Variants in MOB3B observed in about 807,000 individuals in gnomAD.
MOB3B encodes MOB kinase activator-like 2B.
Under a neutral mutation model 18.7 loss-of-function variants are expected in MOB3B, and 7 were observed. The observed-to-expected ratio is 0.37, with a 90% CI of 0.21 to 0.70. The LOEUF is 0.70. MOB3B is among the 30% of genes least tolerant of loss of function. MOB3B has a pLI of 0.52. For synonymous variants in MOB3B, 111 were observed against 99.9 expected (o/e 1.11, Z -0.66); for missense variants, 253 against 281.3 (o/e 0.90, Z 0.72).
Position 27,409,183 on chromosome 9 carries a change from G to A in MOB3B, c.418+45950C>T, listed in dbSNP as rs540069854. Reference sequence around the variant, plus strand: ...ACAGATATTATTCATGTCTTACTACGTGCCAGTTATTGTTCTATGGATCAG... The same window carrying A: ...ACAGATATTATTCATGTCTTACTACATGCCAGTTATTGTTCTATGGATCAG... On this transcript the variant is annotated intron_variant, in intron 2 of 3. Transcript: ENST00000262244. 8.1e-4 allele frequency among the ~76,000 whole-genome samples: 123 copies of A among 152,282 alleles called. 1 individual carries two copies. The Middle Eastern group carries it at 0.017, about 21-fold the overall frequency.
In MOB3B at chr9:27,336,910, GA is replaced by G. The variant is rs1236939168; in HGVS notation, c.622-6295del. 2.6e-5 allele frequency among the ~76,000 whole-genome samples: 4 copies of G among 152,298 alleles called. No individual in the cohort carries two copies. The East Asian group carries it at 7.8e-4, about 30-fold the overall frequency. Reference sequence around the variant, plus strand: ...AGGTAAAATCAAATGTGATATTGCTGAAAAGACACGAGGAAAGCTGCGAGTC... The same window carrying G: ...AGGTAAAATCAAATGTGATATTGCTGAAAGACACGAGGAAAGCTGCGAGTC... On this transcript the variant is annotated intron_variant, in intron 3 of 3. Coordinates refer to ENST00000262244, the MANE Select transcript of MOB3B (RefSeq NM_024761.5).
intron 3 of MOB3B, among the ~76,000 whole-genome samples, chr9:27,342,800 T>C (rs1037925975): frequency 2.0e-5 from 3 of 151,686 alleles, no homozygotes; most frequent in African/African-American, 7.3e-5. Context: ...TGCAGTGGCC[T>C]GATCTCCGCT....
chr9:27,529,513 G>C, intron 1 of MOB3B, 42 bp downstream of exon 1: 1 of 978,852 alleles, frequency 1.0e-6, no homozygotes. Context: ...GCAGCCACCG[G>C]GCTGCGCCGC....
chr9:27,493,816 A>ATGTGTGT (rs1280668402), intron 1 of MOB3B, among the ~76,000 whole-genome samples: 1 of 152,196 alleles, frequency 6.6e-6, no homozygotes, highest in Non-Finnish European at 1.5e-5. Context: ...GTGTTTGAGC[A>ATGTGTGT]ATACGAAATC....
At chr9:27,490,408 G>A (rs936407839) in intron 1 of MOB3B, among the ~76,000 whole-genome samples, 2 of 152,194 alleles carry the variant, frequency 1.3e-5, no homozygotes, top group African/African-American at 4.8e-5. Flanking sequence ...GTGGAATTAT[G>A]AGATTCCTTG....
intron 2 of MOB3B, among the ~76,000 whole-genome samples, chr9:27,362,126 C>T (rs1445424853): frequency 6.6e-6 from 1 of 152,194 alleles, no homozygotes; most frequent in African/African-American, 2.4e-5. Flanking sequence ...CTCAGCTGTG[C>T]CTTCCATTCC....
At chr9:27,390,355 A>G (rs1821710284) in intron 2 of MOB3B, among the ~76,000 whole-genome samples, 1 of 152,310 alleles carries the variant, frequency 6.6e-6, no homozygotes, top group South Asian at 2.1e-4. Context: ...GGCACCCGCC[A>G]CAACTGTGGC....
At chr9:27,346,916 A>C (rs530885259) in intron 3 of MOB3B, among the ~76,000 whole-genome samples, 12 of 152,292 alleles carry the variant, frequency 7.9e-5, no homozygotes, top group Non-Finnish European at 1.8e-4. Context: ...GAATTGCTTG[A>C]ACCCAGGAGG....
At chr9:27,512,730 C>T (rs903119102) in intron 1 of MOB3B, among the ~76,000 whole-genome samples, 1 of 152,142 alleles carries the variant, frequency 6.6e-6, no homozygotes, top group Non-Finnish European at 1.5e-5. Flanking sequence ...ATTGTCAGCT[C>T]TAGGCTCTCA....
intron 2 of MOB3B, among the ~76,000 whole-genome samples, chr9:27,372,835 A>G (rs1177833483): frequency 6.6e-6 from 1 of 152,234 alleles, no homozygotes; most frequent in Non-Finnish European, 1.5e-5. Flanking sequence ...GGCATTAGGG[A>G]AAAACTGAAT....
chr9:27,399,713 C>G (rs1821849740), intron 2 of MOB3B, among the ~76,000 whole-genome samples: 1 of 152,174 alleles, frequency 6.6e-6, no homozygotes, highest in Admixed American at 6.5e-5. Context: ...TCAATCTTAA[C>G]CTCTTTTCCA....
intron 1 of MOB3B, among the ~76,000 whole-genome samples, chr9:27,523,183 C>T (rs1237767726): frequency 4.0e-5 from 6 of 151,830 alleles, no homozygotes; most frequent in Middle Eastern, 3.4e-3. Flanking sequence ...TTTTATTTTC[C>T]TGGAGAAAAG....
chr9:27,457,642 C>A (rs1779025066), intron 1 of MOB3B, among the ~76,000 whole-genome samples: 2 of 152,180 alleles, frequency 1.3e-5, no homozygotes, highest in Non-Finnish European at 2.9e-5. Context: ...CTCTTAACCC[C>A]ACCCTCTTCC....
In MOB3B at chr9:27,328,681, C is replaced by G. The variant is rs1820744520; in HGVS notation, c.*1906G>C. 1 of 152,196 alleles carries G rather than the reference C, an allele frequency of 6.6e-6. No homozygotes were observed. Among genetic ancestry groups the G allele is most frequent in the Non-Finnish European group, 1.5e-5 (1 of 68,034 alleles). The allele number at this position is 152,196 out of a possible 1,614,324, so 9.4% of individuals were successfully genotyped here. On this transcript the variant is annotated 3_prime_UTR_variant, in exon 4 of 4. Transcript: ENST00000262244. The stretch of plus-strand genomic sequence containing the variant: ...TTCCATGATGCACAGCTACAGAGTT[C>G]CTCCAGGGCATGGGCTCCGTAGTTA...
intron 2 of MOB3B, among the ~76,000 whole-genome samples, chr9:27,388,698 C>A (rs1363735861): frequency 6.6e-6 from 1 of 152,082 alleles, no homozygotes; most frequent in Non-Finnish European, 1.5e-5. Flanking sequence ...TCAAATTTAA[C>A]CTGTCTAACA....
At chr9:27,468,689 G>A (rs1819425245) in intron 1 of MOB3B, among the ~76,000 whole-genome samples, 1 of 152,194 alleles carries the variant, frequency 6.6e-6, no homozygotes, top group Admixed American at 6.5e-5. Flanking sequence ...GGACCCAGCA[G>A]AAACAGGAAC....
intron 2 of MOB3B, among the ~76,000 whole-genome samples, chr9:27,431,633 C>T (rs1445722324): frequency 2.0e-5 from 3 of 152,192 alleles, no homozygotes; most frequent in Non-Finnish European, 4.4e-5. Context: ...CTCTGTGTCT[C>T]CACTCTATCT....
chr9:27,485,064 G>C (rs769972641), intron 1 of MOB3B, among the ~76,000 whole-genome samples: 11 of 152,166 alleles, frequency 7.2e-5, no homozygotes, highest in Non-Finnish European at 1.3e-4. Flanking sequence ...TGCGTGGCCA[G>C]ATGGACAGTT....
rs1421312653 is a variant in MOB3B at position 27,329,313 on chromosome 9, A to G, written c.*1274T>C. On this transcript the variant is annotated 3_prime_UTR_variant, in exon 4 of 4. Transcript: ENST00000262244. ...AATGAATCAGAGAAGGCAACATTTCATCAACGAAAACTCATTTAGGTTTCA... is the reference window on the plus strand; with the variant it reads ...AATGAATCAGAGAAGGCAACATTTCGTCAACGAAAACTCATTTAGGTTTCA... 2 of 152,190 alleles carry G rather than the reference A, an allele frequency of 1.3e-5. No individual in the cohort carries two copies. Among genetic ancestry groups the G allele is most frequent in the East Asian group, 1.9e-4 (1 of 5,196 alleles). The allele number at this position is 152,190 out of a possible 1,614,324, so 9.4% of individuals were successfully genotyped here. A position where few individuals can be genotyped will look rare whatever the true frequency, so the allele number is the denominator to read the frequency against.
Sources: allele counts gnomAD v4.1 joint callset (sites outside exome capture counted in the v4.1 genomes callset), GRCh38; gene constraint gnomAD v4.1.1; transcripts MANE v1.5; gene names NCBI Gene and HGNC (gene_info 2026-07-23, HGNC 2026-07-21).